PPL: variants seen among roughly 807,000 people sequenced by gnomAD.
PPL encodes periplakin.
A neutral mutation model predicts 194.4 loss-of-function variants in PPL; 198 were observed. That is an observed-to-expected ratio of 1.02 (90% CI 0.91 to 1.15). The LOEUF (loss-of-function observed/expected upper bound fraction) is 1.15, where lower values mean the gene tolerates loss of function less well. PPL is among the 50% of genes most tolerant of loss of function. The pLI is 0.00. For missense variants in PPL, 2,885 were observed against 2,294.8 expected (o/e 1.26, Z -5.25); for synonymous variants, 1,220 against 972.4 (o/e 1.25, Z -4.74).
intron 1 of PPL, among the ~76,000 whole-genome samples, chr16:4,935,635 C>G (rs2089287157): frequency 1.3e-5 from 2 of 152,044 alleles, no homozygotes; most frequent in Non-Finnish European, 2.9e-5. Flanking sequence ...AGAGCCCAAA[C>G]GGAGATACGG....
chr16:4,889,122 G>A (rs1266085790), intron 18 of PPL, 61 bp from the exon 19 acceptor site: 2 of 1,283,918 alleles, frequency 1.6e-6, no homozygotes, highest in Admixed American at 3.4e-5. Flanking sequence ...AAGCAACCAT[G>A]GATGCAGTAG....
intron 1 of PPL, among the ~76,000 whole-genome samples, chr16:4,914,964 C>A (rs781141739): frequency 1.3e-5 from 2 of 152,160 alleles, no homozygotes; most frequent in Non-Finnish European, 2.9e-5. Flanking sequence ...GCCAGCTGCA[C>A]CTAGAGGCGG....
chr16:4,893,818 C>T (rs890735374), intron 12 of PPL, 180 bp from the exon 13 acceptor site: 2 of 587,748 alleles, frequency 3.4e-6, no homozygotes, highest in Admixed American at 3.1e-5. Flanking sequence ...CAGAGCTCTT[C>T]TCCCTCCTTC....
chr16:4,882,965 G>A lies in PPL; in HGVS notation c.*419C>T. 1 of 203,130 alleles carries A rather than the reference G, an allele frequency of 4.9e-6. No homozygotes were observed. The highest frequency in any genetic ancestry group is 5.8e-5 in the Admixed American group (1 of 17,354). 12.6% of individuals were successfully genotyped at this position (203,130 alleles called of 1,614,324 possible). ...GTCATGCCAGGCAGCAGCCCCCACGGGCCCAGGCCTTTGTGGGGCAGTGTC... is the reference window on the plus strand; with the variant it reads ...GTCATGCCAGGCAGCAGCCCCCACGAGCCCAGGCCTTTGTGGGGCAGTGTC... On this transcript the variant is annotated 3_prime_UTR_variant, in exon 22 of 22. Coordinates refer to ENST00000345988, the MANE Select transcript of PPL (RefSeq NM_002705.5).
chr16:4,888,606 T>G (rs1290086642), intron 19 of PPL: 3 of 318,382 alleles, frequency 9.4e-6, no homozygotes, highest in Admixed American at 9.0e-5. Context: ...CAGGTGGATG[T>G]GTGCTGATTC....
At position 4,937,006 on chromosome 16, in the gene PPL, T is replaced by G; in HGVS notation, c.40A>C (p.Ser14Arg). The change falls in exon 1 of 22, where the codon AGC becomes CGC. Residue 14 changes from serine to arginine, a missense_variant. Transcript: ENST00000345988. ...CACCTCCGGGTCTGCACAGTGGGGC[T>G]GTATTTGCCTTTGTTTCTCTTCCTG... ...LFRKRNKGKY[S>R]PTVQTRSISN... is the part of the protein sequence containing the mutation. 1 of 1,541,702 alleles carries G rather than the reference T, an allele frequency of 6.5e-7. No individual in the cohort carries two copies. The highest frequency in any genetic ancestry group is 8.7e-7 in the Non-Finnish European group (1 of 1,143,360).
chr16:4,909,686 C>G (rs1294681060), intron 2 of PPL, among the ~76,000 whole-genome samples: 1 of 152,146 alleles, frequency 6.6e-6, no homozygotes, highest in African/African-American at 2.4e-5. Context: ...CTCGGCCTCC[C>G]AAAGTACTGG....
rs372060078 is a variant in PPL at position 4,921,049 on chromosome 16, G to A, written c.63-10100C>T. ...AGGGGCTGCCTGCTAGATGGGTTTTGCAAGCCTCTACGAGTCACCTCGAGT... is the reference window on the plus strand; with the variant it reads ...AGGGGCTGCCTGCTAGATGGGTTTTACAAGCCTCTACGAGTCACCTCGAGT... On this transcript the variant is annotated intron_variant, in intron 1 of 21. Transcript: ENST00000345988. 3.7e-4 allele frequency among the ~76,000 whole-genome samples: 56 copies of A among 152,336 alleles called. No individual in the cohort carries two copies. The East Asian group carries it at 0.01, about 28-fold the overall frequency.
At chr16:4,913,209 C>T (rs1484904199) in intron 1 of PPL, among the ~76,000 whole-genome samples, 1 of 152,134 alleles carries the variant, frequency 6.6e-6, no homozygotes, top group Non-Finnish European at 1.5e-5. Context: ...GCCCCCCGTC[C>T]CCCAGAACCA....
At chr16:4,906,636 G>A (rs2088689098) in intron 2 of PPL, among the ~76,000 whole-genome samples, 1 of 152,206 alleles carries the variant, frequency 6.6e-6, no homozygotes, top group South Asian at 2.1e-4. Context: ...AATTCGTGAA[G>A]GTGCCCGGTG....
chr16:4,883,767 C>A lies in PPL; in HGVS notation c.4888G>T (p.Asp1630Tyr), dbSNP rs1159043478. The A allele has an allele frequency of 6.2e-7, 1 of 1,614,098 alleles. No individual in the cohort carries two copies. Among genetic ancestry groups the A allele is most frequent in the South Asian group, 1.1e-5 (1 of 91,080 alleles). Residue 1630 changes from aspartate to tyrosine, a missense_variant, in exon 22 of 22, where the codon GAC (aspartate) becomes TAC (tyrosine). Asp to Tyr is a radical substitution (Grantham distance 160). Transcript: ENST00000345988. This position sits in a 1 kb window ranked among gnomAD's most constrained non-coding sequence, Gnocchi z 4.8. ...TTCTGCAGCTCGTCGATCTCGAGGT[C>A]TTTGTCCTTGGAGAGCCTCTTGAGG... is the stretch of plus-strand genomic sequence containing the variant. ...DDLKRLSKDK[D>Y]LEIDELQKRL...
intron 2 of PPL, among the ~76,000 whole-genome samples, chr16:4,910,374 C>A (rs2142384868): frequency 6.6e-6 from 1 of 152,322 alleles, no homozygotes; most frequent in South Asian, 2.1e-4. Context: ...AAATGGGAAC[C>A]ATCACTCCTG....
chr16:4,936,960 G>A (rs2089308284), intron 1 of PPL, 24 bp downstream of exon 1: 2 of 1,581,632 alleles, frequency 1.3e-6, no homozygotes, highest in African/African-American at 1.4e-5. Context: ...GCGTCCCGGA[G>A]CGGAGCTGTG....
rs192651773 is a variant in PPL at position 4,908,134 on chromosome 16, C to G, written c.162+2716G>C. ...CCGAGATAGCACCACTGCACTCCAG[C>G]CTGGACAACAGAGTGAGAGACTGTC... On this transcript the variant is annotated intron_variant, in intron 2 of 21. Transcript: ENST00000345988. 2.2e-4 allele frequency among the ~76,000 whole-genome samples: 31 copies of G among 143,248 alleles called. No homozygotes were observed. In the South Asian group the frequency reaches 4.5e-3, roughly 21 times the overall value. 94.0% of individuals were successfully genotyped at this position (143,248 alleles called of 152,430 possible). A position where few individuals can be genotyped will look rare whatever the true frequency, so the allele number is the denominator to read the frequency against.
At position 4,892,160 on chromosome 16, in the gene PPL, A is replaced by C. The variant is rs748583997; in HGVS notation, c.1704T>G (p.Ala568=). The C allele has an allele frequency of 1.9e-6, 3 of 1,613,810 alleles. No individual in the cohort carries two copies. Among genetic ancestry groups the C allele is most frequent in the Non-Finnish European group, 2.5e-6 (3 of 1,180,008 alleles). ...RIEPEKTRST[A]EGEAFIQALP... is the part of the protein sequence containing the mutation. ...GGGCCTGGATGAAGGCTTCGCCCTC[A>C]GCCGTGCTCCGCGTCTTCTCAGGTT... Residue 568 remains alanine, a synonymous_variant, in exon 15 of 22, where the codon GCT becomes GCG. Coordinates refer to ENST00000345988, the MANE Select transcript of PPL (RefSeq NM_002705.5).
At chr16:4,933,425 G>C (rs2089250914) in intron 1 of PPL, among the ~76,000 whole-genome samples, 1 of 152,124 alleles carries the variant, frequency 6.6e-6, no homozygotes, top group South Asian at 2.1e-4. Flanking sequence ...CTGGGGCTCA[G>C]GGATGCTATG....
At chr16:4,908,836 C>T (rs555358541) in intron 2 of PPL, among the ~76,000 whole-genome samples, 55 of 152,342 alleles carry the variant, frequency 3.6e-4, no homozygotes, top group Non-Finnish European at 5.7e-4. Flanking sequence ...CCACCGCACC[C>T]GGCTCATGAT....
chr16:4,890,646 G>A (rs1179143542), intron 17 of PPL, 82 bp downstream of exon 17: 1 of 1,451,046 alleles, frequency 6.9e-7, no homozygotes, highest in African/African-American at 1.4e-5. Context: ...AAAATCTGTG[G>A]GACACGGCTA....
chr16:4,921,312 A>G (rs2089045155), intron 1 of PPL, among the ~76,000 whole-genome samples: 1 of 152,166 alleles, frequency 6.6e-6, no homozygotes, highest in Admixed American at 6.5e-5. Flanking sequence ...CCTGGGTCTG[A>G]GCCCGCAGGC....
Sources: gnomAD v4.1 joint callset for allele counts (sites outside exome capture counted in the v4.1 genomes callset) on GRCh38, gnomAD v4.1.1 for gene constraint, Gnocchi (gnomAD v3.1) non-coding constraint, MANE v1.5 for transcripts, NCBI Gene and HGNC (gene_info 2026-07-23, HGNC 2026-07-21) for gene names.